Variants in SPTBN1 observed in about 807,000 individuals in gnomAD.
SPTBN1 encodes spectrin beta chain, non-erythrocytic 1.
A neutral mutation model predicts 266.4 loss-of-function variants in SPTBN1; 32 were observed. That is an observed-to-expected ratio of 0.12 (90% CI 0.09 to 0.16). The LOEUF is 0.16. Ranked by LOEUF, SPTBN1 falls within the 10% of genes least tolerant of loss-of-function variation. The pLI is 1.00. For missense variants in SPTBN1, 2,296 were observed against 3,067.1 expected, an observed-to-expected ratio of 0.75 and a Z score of 5.94; for synonymous variants, 1,336 against 1,162.2, an observed-to-expected ratio of 1.15 and a Z score of -3.04.
At chr2:54,617,116 A>C (rs1677659906) in intron 5 of SPTBN1, among the ~76,000 whole-genome samples, 1 of 152,250 alleles carries the variant, frequency 6.6e-6, no homozygotes, top group African/African-American at 2.4e-5. Flanking sequence ...TTCACACATA[A>C]ATTTTTCAGG....
Position 54,644,204 on chromosome 2 carries a change from CTG to C in SPTBN1, c.4006-113_4006-112del, listed in dbSNP as rs992284194. On this transcript the variant is annotated intron_variant, in intron 19 of 35. Transcript: ENST00000356805. ...TGAGCAGTAACTTCATGTGGAAAGA[CTG>C]TGTGTATTGAGTGAATGGTTAAATC... 7.9e-6 allele frequency: 10 copies of C among 1,265,120 alleles called. No individual in the cohort carries two copies. The African/African-American group carries it at 1.1e-4, about 13-fold the overall frequency. 78.4% of individuals were successfully genotyped at this position (1,265,120 alleles called of 1,614,324 possible).
chr2:54,587,761 A>G (rs1056520344), intron 2 of SPTBN1, among the ~76,000 whole-genome samples: 2 of 152,112 alleles, frequency 1.3e-5, no homozygotes, highest in African/African-American at 4.8e-5. Flanking sequence ...GGTGATTACC[A>G]TAGTTTGTCC....
intron 17 of SPTBN1, among the ~76,000 whole-genome samples, chr2:54,637,482 T>G (rs17344287): frequency 0.039 from 5,984 of 152,300 alleles, 149 homozygotes; most frequent in Admixed American, 0.087. Context: ...TTTGACAGTA[T>G]GTTCGGCCTG....
chr2:54,500,473 A>G (rs1558783051), intron 1 of SPTBN1, among the ~76,000 whole-genome samples: 2 of 152,054 alleles, frequency 1.3e-5, no homozygotes, highest in Admixed American at 6.6e-5. Context: ...TGAGGTTTCT[A>G]AAGTTTTTTG....
At chr2:54,590,744 G>C (rs1277453484) in intron 2 of SPTBN1, among the ~76,000 whole-genome samples, 2 of 152,232 alleles carry the variant, frequency 1.3e-5, no homozygotes, top group Non-Finnish European at 2.9e-5. Context: ...AGACCTGTTA[G>C]GTTGGAACAA....
rs1161842363 is a variant in SPTBN1, at chr2:54,671,096, G to GTT, written c.*2528_*2529insTT. The GTT allele has an allele frequency of 6.6e-6, 2 of 301,632 alleles. No individual in the cohort carries two copies. Among genetic ancestry groups the GTT allele is most frequent in the African/African-American group, 4.3e-5 (2 of 46,610 alleles). 18.7% of individuals were successfully genotyped at this position (301,632 alleles called of 1,614,324 possible). ...ACTGGCCCCTCCATAAATCTGAAGA[G>GTT]TAAGAAGTAGTGAAAATAAGGCTTA... is the stretch of plus-strand genomic sequence containing the variant. On this transcript the variant is annotated 3_prime_UTR_variant, in exon 36 of 36. Transcript: ENST00000356805.
At position 54,536,332 on chromosome 2, in the gene SPTBN1, A is replaced by T. The variant is rs943934984; in HGVS notation, c.148+9766A>T. Among the ~76,000 whole-genome samples, 3 of 152,386 alleles carry T rather than the reference A, an allele frequency of 2.0e-5. No individual in the cohort carries two copies. The East Asian group carries it at 5.8e-4, about 29-fold the overall frequency. On this transcript the variant is annotated intron_variant, in intron 2 of 35. Transcript: ENST00000356805. ...TCAGAATGACACAAAGTATATTTTT[A>T]AATTTAACAGTGCAACGCAGCTCTC...
intron 1 of SPTBN1, among the ~76,000 whole-genome samples, chr2:54,474,123 G>T (rs1314205824): frequency 6.6e-6 from 1 of 152,240 alleles, no homozygotes; most frequent in African/African-American, 2.4e-5. Flanking sequence ...TGTATGAAAT[G>T]CTAGCCATTT....
chr2:54,501,905 G>A lies in SPTBN1; in HGVS notation c.-47-24467G>A, dbSNP rs541686020. The stretch of plus-strand genomic sequence containing the variant: ...GACTTCGTGAGAAAAGCTCGATCAC[G>A]TTTTGGTAAGTATTTGCAGCTCCCT... On this transcript the variant is annotated intron_variant, in intron 1 of 35. Coordinates refer to ENST00000356805, the MANE Select transcript of SPTBN1 (RefSeq NM_003128.3). Among the ~76,000 whole-genome samples, 11 of 152,300 alleles carry A rather than the reference G, an allele frequency of 7.2e-5. No individual in the cohort carries two copies. In the South Asian group the frequency reaches 2.1e-3, roughly 29 times the overall value.
At chr2:54,505,440 C>G (rs558255528) in intron 1 of SPTBN1, among the ~76,000 whole-genome samples, 1 of 152,322 alleles carries the variant, frequency 6.6e-6, no homozygotes, top group East Asian at 1.9e-4. Flanking sequence ...TCGAATACCT[C>G]TCTGCTCTCT....
At chr2:54,660,191 C>T in intron 32 of SPTBN1, 192 bp downstream of exon 32, 1 of 1,472,208 alleles carries the variant, frequency 6.8e-7, no homozygotes, top group Non-Finnish European at 9.0e-7. Context: ...TAATTCATAG[C>T]CTTCCTTGGT....
intron 2 of SPTBN1, among the ~76,000 whole-genome samples, chr2:54,531,556 T>C (rs1327651357): frequency 6.6e-6 from 1 of 152,076 alleles, no homozygotes; most frequent in African/African-American, 2.4e-5. Context: ...CTTGAGTAGC[T>C]GGGACTATAA....
rs1679894605 is a variant in SPTBN1 at position 54,645,866 on chromosome 2, C to T, written c.4495-62C>T. The T allele has an allele frequency of 8.2e-6, 13 of 1,579,384 alleles. No homozygotes were observed. Among genetic ancestry groups the T allele is most frequent in the Admixed American group, 5.0e-5 (3 of 59,838 alleles). Reference sequence around the variant, plus strand: ...CTGTCCCTCACTGCCCCTCACTGCTCGTTTGTGTCGTATATTTGTTCCTCT... The same window carrying T: ...CTGTCCCTCACTGCCCCTCACTGCTTGTTTGTGTCGTATATTTGTTCCTCT... On this transcript the variant is annotated intron_variant, in intron 21 of 35. Coordinates refer to ENST00000356805, the MANE Select transcript of SPTBN1 (RefSeq NM_003128.3). This position sits in a 1 kb window ranked among gnomAD's most constrained non-coding sequence, Gnocchi z 4.3.
At chr2:54,574,107 C>G (rs529125678) in intron 2 of SPTBN1, among the ~76,000 whole-genome samples, 52 of 152,230 alleles carry the variant, frequency 3.4e-4, no homozygotes, top group African/African-American at 1.2e-3. Flanking sequence ...ATGAAGGAAA[C>G]AGACACCTTT....
chr2:54,559,021 A>G (rs1030903130), intron 2 of SPTBN1: 11 of 1,002,128 alleles, frequency 1.1e-5, no homozygotes, highest in Non-Finnish European at 1.6e-5. Context: ...CGGGCACCCC[A>G]TTCACGACTT....
chr2:54,557,230 C>T (rs764779731), intron 2 of SPTBN1, among the ~76,000 whole-genome samples: 3 of 152,038 alleles, frequency 2.0e-5, no homozygotes, highest in Admixed American at 6.6e-5. Context: ...TTACAAGTGC[C>T]CTGGGGACTG....
At chr2:54,661,387 T>C (rs1182925986) in intron 32 of SPTBN1, 1 of 985,756 alleles carries the variant, frequency 1.0e-6, no homozygotes, top group Non-Finnish European at 1.2e-6. Flanking sequence ...TGTTTTGATA[T>C]GTGTTCTCTA....
rs1449684088 is a variant in SPTBN1 at position 54,669,960 on chromosome 2, AAGGG to A, written c.*1393_*1396del. 6.6e-6 allele frequency: 1 copy of A among 152,212 alleles called. No homozygotes were observed. Among genetic ancestry groups the A allele is most frequent in the Non-Finnish European group, 1.5e-5 (1 of 68,040 alleles). The allele number at this position is 152,212 out of a possible 1,614,324, so 9.4% of individuals were successfully genotyped here. On this transcript the variant is annotated 3_prime_UTR_variant, in exon 36 of 36. Coordinates refer to ENST00000356805, the MANE Select transcript of SPTBN1 (RefSeq NM_003128.3). ...TAGGGGTTGGCAAATTTGTTCTGTAAAGGGACAGAGATAGTAAATATTTTAGGCT... is the reference window on the plus strand; with the variant it reads ...TAGGGGTTGGCAAATTTGTTCTGTAAACAGAGATAGTAAATATTTTAGGCT...
At chr2:54,596,040 G>A (rs1357524586) in intron 2 of SPTBN1, among the ~76,000 whole-genome samples, 1 of 152,088 alleles carries the variant, frequency 6.6e-6, no homozygotes, top group East Asian at 1.9e-4. Flanking sequence ...GTTGTAAGAA[G>A]CAACCACGGT....
Sources: allele counts gnomAD v4.1 joint callset (sites outside exome capture counted in the v4.1 genomes callset), GRCh38; gene constraint gnomAD v4.1.1; non-coding constraint Gnocchi (gnomAD v3.1); transcripts MANE v1.5; gene names NCBI Gene and HGNC (gene_info 2026-07-23, HGNC 2026-07-21).